The following STARD13 variants were observed in gnomAD, a reference collection of about 807,000 sequenced individuals.
STARD13 encodes the protein StAR related lipid transfer domain containing 13, also known as stAR-related lipid transfer protein 13.
In STARD13, 62 loss-of-function variants were observed where a neutral mutation model predicts 106.4. That is an observed-to-expected ratio of 0.58 (90% CI 0.48 to 0.72). STARD13 has a LOEUF of 0.72. Among genes scored for constraint, STARD13 ranks in the 30% least tolerant of loss-of-function variants. STARD13 has a pLI of 0.00. For missense variants in STARD13, 1,387 were observed against 1,424.0 expected (o/e 0.97, Z 0.42); for synonymous variants, 565 against 553.0 (o/e 1.02, Z -0.31).
At chr13:33,156,799 C>T (rs1030373028) in intron 3 of STARD13, among the ~76,000 whole-genome samples, 3 of 152,094 alleles carry the variant, frequency 2.0e-5, no homozygotes, top group African/African-American at 7.2e-5. Flanking sequence ...ATATAATAAG[C>T]ACTTTGTAAG....
chr13:33,535,420 C>T, the STARD13 span, among the ~76,000 whole-genome samples: 11 of 151,832 alleles, frequency 7.2e-5, no homozygotes, highest in Admixed American at 6.6e-5. Flanking sequence ...CAAATTGATA[C>T]AATTAAGTAA....
the STARD13 span, among the ~76,000 whole-genome samples, chr13:33,491,545 G>A: frequency 8.5e-5 from 13 of 152,240 alleles, no homozygotes; most frequent in Non-Finnish European, 1.2e-4. Context: ...AGACCTTGGG[G>A]GTTGAAAAGA....
At chr13:33,158,137 G>A (rs1169430173) in intron 3 of STARD13, among the ~76,000 whole-genome samples, 1 of 152,016 alleles carries the variant, frequency 6.6e-6, no homozygotes, top group Admixed American at 6.6e-5. Flanking sequence ...CACACCTTCT[G>A]CAAAGACAGC....
At chr13:33,508,065 T>A in the STARD13 span, among the ~76,000 whole-genome samples, 3 of 152,168 alleles carry the variant, frequency 2.0e-5, no homozygotes, top group Admixed American at 1.3e-4. Flanking sequence ...TGTTTAGGTA[T>A]CTGCCTCCCA....
the STARD13 span, among the ~76,000 whole-genome samples, chr13:33,501,601 A>G: frequency 6.6e-6 from 1 of 152,172 alleles, no homozygotes; most frequent in Non-Finnish European, 1.5e-5. Context: ...CTTTCTGCAT[A>G]TGGCTAGTCA....
intron 6 of STARD13, 142 bp from the exon 7 acceptor site, chr13:33,126,382 A>C: frequency 1.2e-6 from 1 of 806,980 alleles, no homozygotes; most frequent in Non-Finnish European, 2.0e-6. Flanking sequence ...CTCTGCATTA[A>C]TCACAGGACA....
chr13:33,110,985 A>C, intron 10 of STARD13, 78 bp from the exon 11 acceptor site: 2 of 1,325,614 alleles, frequency 1.5e-6, no homozygotes, highest in Non-Finnish European at 2.1e-6. Context: ...AAGCCATTTC[A>C]CCCACAACCC....
At chr13:33,119,563 G>T (rs536795234) in intron 7 of STARD13, among the ~76,000 whole-genome samples, 3 of 152,340 alleles carry the variant, frequency 2.0e-5, no homozygotes, top group East Asian at 1.9e-4. Flanking sequence ...TGTGGTAACA[G>T]CAGGGGAAGG....
At chr13:33,170,191 C>T (rs970010092) in intron 1 of STARD13, among the ~76,000 whole-genome samples, 3 of 151,946 alleles carry the variant, frequency 2.0e-5, no homozygotes, top group Non-Finnish European at 4.4e-5. Flanking sequence ...AATAAATGCC[C>T]GAGGGGATGA....
At chr13:33,385,218 AATATATATATATATATATATATAT>A in the STARD13 span, among the ~76,000 whole-genome samples, 81 of 33,586 alleles carry the variant, frequency 2.4e-3, no homozygotes, top group South Asian at 7.9e-3. Context: ...AAAGGTTCGG[AATATATATATATATATATATATAT>A]ATATATATAT....
At position 33,111,812 on chromosome 13, in the gene STARD13, G is replaced by A. The variant is rs765711659; in HGVS notation, c.2573C>T (p.Ala858Val). The A allele has an allele frequency of 9.9e-6, 16 of 1,613,942 alleles. No individual in the cohort carries two copies. Among genetic ancestry groups the A allele is most frequent in the African/African-American group, 1.3e-5 (1 of 74,916 alleles). Residue 858 changes from alanine (A) to valine (V), a missense_variant, in exon 10 of 14, where the codon GCG becomes GTG. Ala to Val is a moderately conservative substitution (Grantham distance 64). Coordinates refer to ENST00000336934, the MANE Select transcript of STARD13 (RefSeq NM_178006.4). ...NENLAAAQGL[A>V]HMIMECDRLF... ...TCTGTCGCATTCCATGATCATGTGCGCTAGCCCCTGAGCTGCTGCCAGATT... is the reference window on the plus strand; with the variant it reads ...TCTGTCGCATTCCATGATCATGTGCACTAGCCCCTGAGCTGCTGCCAGATT...
chr13:33,465,843 C>G, the STARD13 span, among the ~76,000 whole-genome samples: 1 of 152,088 alleles, frequency 6.6e-6, no homozygotes, highest in Admixed American at 6.5e-5. Flanking sequence ...GATACATGCA[C>G]TGGTATATTT....
the STARD13 span, among the ~76,000 whole-genome samples, chr13:33,627,555 C>T: frequency 1.3e-5 from 2 of 151,570 alleles, no homozygotes; most frequent in African/African-American, 2.4e-5. Flanking sequence ...GAGAATCACT[C>T]GAACCTGGGA....
the STARD13 span, among the ~76,000 whole-genome samples, chr13:33,473,308 T>C: frequency 1.3e-5 from 2 of 152,170 alleles, no homozygotes; most frequent in Admixed American, 6.5e-5. Context: ...TCCACATTCT[T>C]AAAAACAAGG....
At chr13:33,628,458 A>T in the STARD13 span, among the ~76,000 whole-genome samples, 176 of 152,274 alleles carry the variant, frequency 1.2e-3, no homozygotes, top group African/African-American at 4.1e-3. Flanking sequence ...TCAGAATTAC[A>T]TTGTAAGGAA....
At chr13:33,625,306 T>C in the STARD13 span, among the ~76,000 whole-genome samples, 1 of 151,922 alleles carries the variant, frequency 6.6e-6, no homozygotes, top group Non-Finnish European at 1.5e-5. Context: ...GTGTGGTGGC[T>C]CACGCCTGTA....
the STARD13 span, among the ~76,000 whole-genome samples, chr13:33,557,599 A>G: frequency 6.6e-6 from 1 of 152,114 alleles, no homozygotes; most frequent in South Asian, 2.1e-4. Flanking sequence ...TTATATTTCT[A>G]GTACTATCAC....
Position 33,142,302 on chromosome 13 carries a change from G to A in STARD13, c.387+8C>T. 1.2e-6 allele frequency: 2 copies of A among 1,611,060 alleles called. No homozygotes were observed. Among genetic ancestry groups the A allele is most frequent in the Non-Finnish European group, 1.7e-6 (2 of 1,177,290 alleles). On this transcript the variant is annotated splice_region_variant and intron_variant, in intron 4 of 13. Transcript: ENST00000336934. The stretch of plus-strand genomic sequence containing the variant: ...TAGCCACATTCTTATTAAGGTGTGG[G>A]CACCTACCTTTTTCCTTTGGAAGTT...
At chr13:33,110,658 GT>G (rs762597016) in intron 11 of STARD13, 27 bp downstream of exon 11, 1 of 1,581,122 alleles carries the variant, frequency 6.3e-7, no homozygotes, top group Non-Finnish European at 8.7e-7. Flanking sequence ...CTTTCTGGGG[GT>G]GATCTTTTTC....
Sources: allele counts gnomAD v4.1 joint callset (sites outside exome capture counted in the v4.1 genomes callset), GRCh38; gene constraint gnomAD v4.1.1; transcripts MANE v1.5; gene names NCBI Gene and HGNC (gene_info 2026-07-23, HGNC 2026-07-21).